RBMS3: variants seen among roughly 807,000 people sequenced by gnomAD.
RBMS3 encodes RNA binding motif single stranded interacting protein 3.
In RBMS3, 27 loss-of-function variants were observed where a neutral mutation model predicts 66.8. The ratio of observed to expected loss-of-function variants is 0.40; its 90% CI spans 0.30 to 0.56. The LOEUF (loss-of-function observed/expected upper bound fraction) is 0.56. RBMS3 is among the 20% of genes least tolerant of loss of function. The pLI, the probability that RBMS3 is intolerant of heterozygous loss-of-function variation, is 0.40. For missense variants in RBMS3, 513 were observed against 549.5 expected (o/e 0.93, Z 0.66); for synonymous variants, 188 against 183.0 (o/e 1.03, Z -0.22).
chr3:29,282,008 T>A lies in RBMS3; in HGVS notation c.75+252T>A, dbSNP rs750516734. ...CTTGAGTTCAGTTTCTTTGTTGTTA[T>A]TTGGCAGCATAAATGGTCCTGATAT... On this transcript the variant is annotated intron_variant, in intron 1 of 14. Transcript: ENST00000383767. Among the ~76,000 whole-genome samples the A allele has an allele frequency of 1.8e-4, 27 of 152,288 alleles. 1 individual carries two copies. The highest frequency in any genetic ancestry group is 3.1e-4 in the Non-Finnish European group (21 of 68,016).
intron 6 of RBMS3, among the ~76,000 whole-genome samples, chr3:29,792,686 A>G (rs971390453): frequency 1.3e-5 from 2 of 152,214 alleles, no homozygotes; most frequent in African/African-American, 4.8e-5. Flanking sequence ...AAACAGGAAA[A>G]GAGGGAGCAA....
At chr3:29,812,963 ATAT>A (rs1408301548) in intron 6 of RBMS3, among the ~76,000 whole-genome samples, 1 of 151,990 alleles carries the variant, frequency 6.6e-6, no homozygotes, top group Non-Finnish European at 1.5e-5. Flanking sequence ...CATATATAAA[ATAT>A]TATATATTAT....
chr3:29,301,944 ATTTTCACGTAACGCT>A (rs1282871893), intron 1 of RBMS3, among the ~76,000 whole-genome samples: 1 of 151,858 alleles, frequency 6.6e-6, no homozygotes, highest in Non-Finnish European at 1.5e-5. Flanking sequence ...GCCCAATTTT[ATTTTCACGTAACGCT>A]TTTTCACACA....
intron 4 of RBMS3, among the ~76,000 whole-genome samples, chr3:29,652,391 A>G (rs1477884547): frequency 1.3e-5 from 2 of 152,118 alleles, no homozygotes; most frequent in African/African-American, 2.4e-5. Context: ...ATGCTCTCCA[A>G]AGCACGTAGA....
At chr3:29,897,825 C>T (rs2060161371) in intron 9 of RBMS3, among the ~76,000 whole-genome samples, 1 of 151,622 alleles carries the variant, frequency 6.6e-6, no homozygotes, top group Non-Finnish European at 1.5e-5. Context: ...TCTAAAAGCA[C>T]ATTTCTAGCA....
At chr3:29,598,094 AC>A (rs1559498890) in intron 4 of RBMS3, among the ~76,000 whole-genome samples, 1 of 152,146 alleles carries the variant, frequency 6.6e-6, no homozygotes, top group East Asian at 1.9e-4. Context: ...TTGTGGACGA[AC>A]ACTTACCAGT....
intron 14 of RBMS3, among the ~76,000 whole-genome samples, chr3:29,997,989 G>T (rs1327710534): frequency 1.3e-5 from 2 of 152,176 alleles, no homozygotes; most frequent in African/African-American, 2.4e-5. Flanking sequence ...GTCCCTGTTT[G>T]CAGATGACAT....
intron 1 of RBMS3, among the ~76,000 whole-genome samples, chr3:29,345,194 T>A (rs987122649): frequency 1.2e-4 from 19 of 152,224 alleles, no homozygotes; most frequent in Non-Finnish European, 1.2e-4. Flanking sequence ...TTTTAAATGA[T>A]CTCTAGAGCT....
At chr3:29,598,114 A>G (rs1464178535) in intron 4 of RBMS3, among the ~76,000 whole-genome samples, 1 of 152,124 alleles carries the variant, frequency 6.6e-6, no homozygotes, top group Non-Finnish European at 1.5e-5. Flanking sequence ...GTGTATTGTT[A>G]GATATCTGGT....
intron 2 of RBMS3, among the ~76,000 whole-genome samples, chr3:29,477,701 A>C (rs1290437946): frequency 6.6e-6 from 1 of 151,890 alleles, no homozygotes; most frequent in Non-Finnish European, 1.5e-5. Flanking sequence ...AAAAAATGAG[A>C]GATATGTCAG....
intron 5 of RBMS3, among the ~76,000 whole-genome samples, chr3:29,741,885 C>T (rs1036311846): frequency 3.3e-5 from 5 of 152,242 alleles, no homozygotes; most frequent in Non-Finnish European, 7.3e-5. Context: ...GTGTCTTAAT[C>T]TCTTAAGAGC....
At chr3:29,995,149 G>T (rs1002166930) in intron 14 of RBMS3, among the ~76,000 whole-genome samples, 1 of 152,194 alleles carries the variant, frequency 6.6e-6, no homozygotes, top group African/African-American at 2.4e-5. Context: ...GAGCCGATGC[G>T]ATCAACTGGA....
At chr3:29,419,826 C>T (rs2040628474) in intron 1 of RBMS3, among the ~76,000 whole-genome samples, 1 of 152,152 alleles carries the variant, frequency 6.6e-6, no homozygotes, top group Admixed American at 6.5e-5. Flanking sequence ...TTGAACTTCA[C>T]AAGCTATTAT....
At chr3:29,509,731 C>T (rs1319094365) in intron 3 of RBMS3, among the ~76,000 whole-genome samples, 2 of 152,164 alleles carry the variant, frequency 1.3e-5, no homozygotes, top group African/African-American at 4.8e-5. Flanking sequence ...CAAAAGTATA[C>T]CCAGAATTTA....
At chr3:29,441,019 A>T (rs1470764463) in intron 2 of RBMS3, among the ~76,000 whole-genome samples, 3 of 152,054 alleles carry the variant, frequency 2.0e-5, no homozygotes, top group Non-Finnish European at 4.4e-5. Context: ...GTCATTGAAG[A>T]TTTAAAAGTT....
At chr3:29,570,151 G>T (rs2046897122) in intron 3 of RBMS3, among the ~76,000 whole-genome samples, 2 of 151,820 alleles carry the variant, frequency 1.3e-5, no homozygotes, top group Non-Finnish European at 2.9e-5. Flanking sequence ...TATAAAATTA[G>T]AAAAAATCAA....
chr3:29,348,688 A>G (rs1297943727), intron 1 of RBMS3, among the ~76,000 whole-genome samples: 1 of 152,182 alleles, frequency 6.6e-6, no homozygotes, highest in Non-Finnish European at 1.5e-5. Flanking sequence ...AGCAATTGGC[A>G]AAAACCAAAA....
chr3:29,587,237 T>TTG, intron 4 of RBMS3, 32 bp downstream of exon 4: 2 of 797,914 alleles, frequency 2.5e-6, no homozygotes, highest in South Asian at 2.1e-5. Context: ...GTTTTTTTTT[T>TTG]TTTTTTTTTT....
At chr3:29,455,254 C>T (rs190418890) in intron 2 of RBMS3, among the ~76,000 whole-genome samples, 1 of 152,252 alleles carries the variant, frequency 6.6e-6, no homozygotes, top group Admixed American at 6.5e-5. Flanking sequence ...TTCTGTTAGC[C>T]TGAGGATTCT....
Sources: allele counts gnomAD v4.1 joint callset (sites outside exome capture counted in the v4.1 genomes callset), GRCh38; gene constraint gnomAD v4.1.1; transcripts MANE v1.5; gene names NCBI Gene and HGNC (gene_info 2026-07-23, HGNC 2026-07-21).